SLC45A4: variants seen among roughly 807,000 people sequenced by gnomAD.
The protein encoded by SLC45A4 is solute carrier family 45 member 4, also known as polyamine-transporter SLC45A4.
Under a neutral mutation model 63.7 loss-of-function variants are expected in SLC45A4, and 32 were observed. The ratio of observed to expected loss-of-function variants is 0.50; its 90% CI spans 0.38 to 0.67. The LOEUF is 0.67. Ranked by LOEUF, SLC45A4 falls within the 30% of genes least tolerant of loss-of-function variation. The pLI is 0.00. For synonymous variants in SLC45A4, 535 were observed against 510.0 expected (o/e 1.05, Z -0.66); for missense variants, 1,027 against 1,157.7 (o/e 0.89, Z 1.64).
intron 5 of SLC45A4, among the ~76,000 whole-genome samples, chr8:141,217,793 A>T (rs947645345): frequency 6.6e-6 from 1 of 152,164 alleles, no homozygotes; most frequent in Non-Finnish European, 1.5e-5. Context: ...GCCTCACTGC[A>T]ACCCACCCCA....
At chr8:141,293,107 C>T (rs533681429) in intron 1 of SLC45A4, among the ~76,000 whole-genome samples, 28 of 152,210 alleles carry the variant, frequency 1.8e-4, no homozygotes, top group East Asian at 1.9e-4. Context: ...ACGTAATGCA[C>T]GCCAGCAGTT....
Position 141,215,863 on chromosome 8 carries a change from T to C in SLC45A4, c.1837A>G (p.Asn613Asp). The stretch of plus-strand genomic sequence containing the variant: ...ATGGTGACCATGGCGACGTAGACGT[T>C]GGGAAACATGGCCATCACGGCTGTG... ...VGTAVMAMFP[N>D]VYVAMVTIST... The change falls in exon 7 of 9, where the codon AAC (asparagine) becomes GAC (aspartate). Residue 613 changes from asparagine to aspartate, a missense_variant. Transcript: ENST00000517878. This position sits in a 1 kb window ranked among gnomAD's most constrained non-coding sequence, Gnocchi z 4.3. The C allele has an allele frequency of 6.2e-7, 1 of 1,614,124 alleles. No homozygotes were observed.
At position 141,227,079 on chromosome 8, in the gene SLC45A4, T is replaced by TTCCCGGGACGGCTCTGACGGGGCAC. The variant is rs1569558191; in HGVS notation, c.242-5315_242-5314insGTGCCCCGTCAGAGCCGTCCCGGGA. 6.6e-6 allele frequency: 1 copy of TTCCCGGGACGGCTCTGACGGGGCAC among 152,180 alleles called. No homozygotes were observed. Among genetic ancestry groups the TTCCCGGGACGGCTCTGACGGGGCAC allele is most frequent in the Non-Finnish European group, 1.5e-5 (1 of 68,050 alleles). 9.4% of individuals were successfully genotyped at this position (152,180 alleles called of 1,614,324 possible). A position where few individuals can be genotyped will look rare whatever the true frequency, so the allele number is the denominator to read the frequency against. On this transcript the variant is annotated intron_variant, in intron 2 of 8. Transcript: ENST00000517878. The surrounding 1 kb of genome is among the most constrained non-coding windows in gnomAD (Gnocchi z 4.4). ...CCACTGGGACGGCTCTGACGGGGCA[T>TTCCCGGGACGGCTCTGACGGGGCAC]TTCCCAGCCCGGCTCCAAACACACA...
chr8:141,294,088 C>T (rs1045578432), intron 1 of SLC45A4, among the ~76,000 whole-genome samples: 2 of 152,166 alleles, frequency 1.3e-5, no homozygotes, highest in African/African-American at 2.4e-5. Flanking sequence ...GGGCACACCA[C>T]GCTGCAGACC....
intron 2 of SLC45A4, among the ~76,000 whole-genome samples, chr8:141,232,767 G>A (rs1471516794): frequency 6.6e-6 from 1 of 150,478 alleles, no homozygotes; most frequent in African/African-American, 2.5e-5. Flanking sequence ...CTCACAAGCT[G>A]CAACGGGAAC....
chr8:141,253,978 AG>A lies in SLC45A4; in HGVS notation c.241+10del. The A allele has an allele frequency of 6.5e-7, 1 of 1,535,852 alleles. No individual in the cohort carries two copies. Among genetic ancestry groups the A allele is most frequent in the Non-Finnish European group, 8.7e-7 (1 of 1,146,654 alleles). On this transcript the variant is annotated intron_variant, in intron 2 of 8. Transcript: ENST00000517878. ...CAGCGTTCACTGCGCACAGACGGGG[AG>A]GAGACTTACCAATCTGCAACAGTAT...
chr8:141,275,036 C>T lies in SLC45A4; in HGVS notation c.-400-20407G>A, dbSNP rs376084738. On this transcript the variant is annotated intron_variant, in intron 1 of 8. Transcript: ENST00000517878. Reference sequence around the variant, plus strand: ...GCAGGGAAGTGGCTGGACAACTCTACGGGGCGTGGCGCCGGCAGGAGCCAG... The same window carrying T: ...GCAGGGAAGTGGCTGGACAACTCTATGGGGCGTGGCGCCGGCAGGAGCCAG... Among the ~76,000 whole-genome samples the T allele has an allele frequency of 1.8e-4, 27 of 152,340 alleles. No individual in the cohort carries two copies. In the East Asian group the frequency reaches 3.3e-3, roughly 18 times the overall value.
intron 2 of SLC45A4, chr8:141,228,405 C>A (rs946717230): frequency 6.9e-7 from 1 of 1,452,940 alleles, no homozygotes; most frequent in Non-Finnish European, 9.1e-7. Context: ...AGGACGCTGG[C>A]GCTCCAGAAA....
At chr8:141,219,073 C>A in intron 4 of SLC45A4, 44 bp from the exon 5 acceptor site, 2 of 1,578,534 alleles carry the variant, frequency 1.3e-6, no homozygotes, top group East Asian at 2.2e-5. Context: ...TGGCACCAGG[C>A]CACAGGGGGG....
At chr8:141,267,204 G>C (rs1206340319) in intron 1 of SLC45A4, among the ~76,000 whole-genome samples, 1 of 152,244 alleles carries the variant, frequency 6.6e-6, no homozygotes, top group Admixed American at 6.5e-5. Flanking sequence ...GCCTTCCCTT[G>C]GCCTCAGCAG....
intron 1 of SLC45A4, among the ~76,000 whole-genome samples, chr8:141,268,989 C>T (rs375422950): frequency 4.6e-5 from 7 of 152,350 alleles, no homozygotes; most frequent in African/African-American, 1.4e-4. Context: ...AAACACTCAG[C>T]GCCTCACGTG....
chr8:141,306,456 A>ATCC (rs10649816), intron 1 of SLC45A4, among the ~76,000 whole-genome samples: 145,433 of 152,170 alleles, frequency 0.96, 69,862 homozygotes, highest in Middle Eastern at 1. Context: ...GCCTCTTCTC[A>ATCC]TCAAGTGGCT....
At chr8:141,241,997 G>T (rs576667905) in intron 2 of SLC45A4, among the ~76,000 whole-genome samples, 2 of 152,190 alleles carry the variant, frequency 1.3e-5, no homozygotes, top group African/African-American at 4.8e-5. Context: ...GGGACAGCCC[G>T]AATCTCCAGG....
At chr8:141,261,477 T>A (rs1374786199) in intron 1 of SLC45A4, among the ~76,000 whole-genome samples, 2 of 152,100 alleles carry the variant, frequency 1.3e-5, no homozygotes, top group African/African-American at 2.4e-5. Flanking sequence ...GAAAACCCCA[T>A]CGTCTCAGCC....
intron 2 of SLC45A4, among the ~76,000 whole-genome samples, chr8:141,253,538 T>G (rs1483735245): frequency 1.3e-5 from 2 of 152,220 alleles, no homozygotes; most frequent in African/African-American, 2.4e-5. Context: ...TAGGGTTGGT[T>G]TGCGAATGCA....
rs1323414192 is a variant in SLC45A4 at position 141,227,078 on chromosome 8, A to AC, written c.242-5314_242-5313insG. ...GCCACTGGGACGGCTCTGACGGGGCATTTCCCAGCCCGGCTCCAAACACAC... is the reference window on the plus strand; with the variant it reads ...GCCACTGGGACGGCTCTGACGGGGCACTTTCCCAGCCCGGCTCCAAACACAC... On this transcript the variant is annotated intron_variant, in intron 2 of 8. Transcript: ENST00000517878. The surrounding 1 kb of genome is among the most constrained non-coding windows in gnomAD (Gnocchi z 4.4). 6.6e-6 allele frequency: 1 copy of AC among 152,194 alleles called. No individual in the cohort carries two copies. The highest frequency in any genetic ancestry group is 1.5e-5 in the Non-Finnish European group (1 of 68,054). 9.4% of individuals were successfully genotyped at this position (152,194 alleles called of 1,614,324 possible).
rs1825794649 is a variant in SLC45A4 at position 141,211,359 on chromosome 8, G to A, written c.*213C>T. On this transcript the variant is annotated 3_prime_UTR_variant, in exon 9 of 9. Transcript: ENST00000517878. ...CAGACACACTCACACGCGCACGCAG[G>A]AGCTCGTCTGGAGCTCACGCTCCGC... The A allele has an allele frequency of 6.9e-7, 1 of 1,443,108 alleles. No individual in the cohort carries two copies. 89.4% of individuals were successfully genotyped at this position (1,443,108 alleles called of 1,614,324 possible). A position where few individuals can be genotyped will look rare whatever the true frequency, so the allele number is the denominator to read the frequency against.
At chr8:141,213,553 T>C (rs1825961849) in intron 7 of SLC45A4, among the ~76,000 whole-genome samples, 1 of 152,262 alleles carries the variant, frequency 6.6e-6, no homozygotes, top group Admixed American at 6.5e-5. Context: ...CATTAAAACC[T>C]GCATGGTGCA....
At chr8:141,277,280 G>T (rs1180495756) in intron 1 of SLC45A4, among the ~76,000 whole-genome samples, 1 of 152,240 alleles carries the variant, frequency 6.6e-6, no homozygotes, top group Non-Finnish European at 1.5e-5. Context: ...GGACCGGAAT[G>T]AAAGGACCAT....
Sources: gnomAD v4.1 joint callset for allele counts (sites outside exome capture counted in the v4.1 genomes callset) on GRCh38, gnomAD v4.1.1 for gene constraint, Gnocchi (gnomAD v3.1) non-coding constraint, MANE v1.5 for transcripts, NCBI Gene and HGNC (gene_info 2026-07-23, HGNC 2026-07-21) for gene names.